Variants in NCOR1 observed in about 807,000 individuals in gnomAD.
The protein encoded by NCOR1 is protein phosphatase 1, regulatory subunit 109.
Under a neutral mutation model 288.1 loss-of-function variants are expected in NCOR1, and 63 were observed. That is an observed-to-expected ratio of 0.22 (90% CI 0.18 to 0.27). The LOEUF (loss-of-function observed/expected upper bound fraction) is 0.27, where lower values mean the gene tolerates loss of function less well. Among genes scored for constraint, NCOR1 ranks in the 10% least tolerant of loss-of-function variants. The pLI is 1.00. For synonymous variants in NCOR1, 1,007 were observed against 1,065.9 expected, an observed-to-expected ratio of 0.94 and a Z score of 1.08; for missense variants, 2,397 against 3,019.2, an observed-to-expected ratio of 0.79 and a Z score of 4.83.
intron 44 of NCOR1, among the ~76,000 whole-genome samples, chr17:16,038,747 A>ATTATTTTATT (rs111445241): frequency 4.0e-5 from 6 of 150,682 alleles, no homozygotes; most frequent in African/African-American, 1.5e-4. Flanking sequence ...ATGGCTTACG[A>ATTATTTTATT]TTATTTTATT....
chr17:16,069,575 T>G (rs1020401770), intron 31 of NCOR1, among the ~76,000 whole-genome samples: 5 of 152,206 alleles, frequency 3.3e-5, no homozygotes, highest in African/African-American at 1.2e-4. Context: ...GTGACAACAA[T>G]AATAACAACA....
chr17:16,174,974 A>G (rs2083826999), intron 3 of NCOR1, among the ~76,000 whole-genome samples: 1 of 152,158 alleles, frequency 6.6e-6, no homozygotes, highest in African/African-American at 2.4e-5. Flanking sequence ...CATAATTGTC[A>G]AAAAGTAAAA....
intron 26 of NCOR1, among the ~76,000 whole-genome samples, chr17:16,075,980 G>A (rs1015194540): frequency 6.6e-6 from 1 of 152,166 alleles, no homozygotes; most frequent in Non-Finnish European, 1.5e-5. Flanking sequence ...TCTATTACAG[G>A]ATTTAACTCT....
intron 3 of NCOR1, among the ~76,000 whole-genome samples, chr17:16,178,506 A>AAAAC (rs2084714108): frequency 6.7e-6 from 1 of 150,014 alleles, no homozygotes; most frequent in African/African-American, 2.4e-5. Context: ...CTCAAAAAAA[A>AAAAC]AAAAAAAAAA....
chr17:16,071,400 C>T lies in NCOR1; in HGVS notation c.4152+9G>A, dbSNP rs1379665086. ...CAGTTACTGACAAAAAGAGCCAAAA[C>T]TTAGTTACCTGGGAAATGGAACCCT... On this transcript the variant is annotated intron_variant, in intron 30 of 45. Transcript: ENST00000268712. 1.2e-6 allele frequency: 2 copies of T among 1,604,266 alleles called. No homozygotes were observed. Among genetic ancestry groups the T allele is most frequent in the East Asian group, 2.2e-5 (1 of 44,736 alleles).
At position 16,108,859 on chromosome 17, in the gene NCOR1, A is replaced by C. The variant is rs1242970612; in HGVS notation, c.2109T>G (p.Ala703=). The C allele has an allele frequency of 1.9e-6, 3 of 1,607,702 alleles. No homozygotes were observed. In the South Asian group the frequency reaches 3.3e-5, roughly 18 times the overall value. Residue 703 remains alanine, a synonymous_variant, in exon 19 of 46, where the codon GCT becomes GCG. Transcript: ENST00000268712. ...ERDVSQCESV[A]STVSAQEDED... is the part of the protein sequence containing the mutation. The stretch of plus-strand genomic sequence containing the variant: ...CATCCTCCTGAGCAGAAACAGTGGA[A>C]GCGACACTTTCACATTGAGACACAT...
chr17:16,032,089 G>C lies in NCOR1; in HGVS notation c.*207C>G. On this transcript the variant is annotated 3_prime_UTR_variant, in exon 46 of 46. Transcript: ENST00000268712. Reference sequence around the variant, plus strand: ...ATTATTATAGTCCACTGAATTGCCTGTATCAAAGGCAGTTTTTTGTTTGTT... The same window carrying C: ...ATTATTATAGTCCACTGAATTGCCTCTATCAAAGGCAGTTTTTTGTTTGTT... 1.9e-6 allele frequency: 1 copy of C among 530,736 alleles called. No individual in the cohort carries two copies. Among genetic ancestry groups the C allele is most frequent in the Non-Finnish European group, 3.2e-6 (1 of 309,074 alleles). 32.9% of individuals were successfully genotyped at this position (530,736 alleles called of 1,614,324 possible). A position where few individuals can be genotyped will look rare whatever the true frequency, so the allele number is the denominator to read the frequency against.
chr17:16,108,603 G>A (rs2069304380), intron 19 of NCOR1, among the ~76,000 whole-genome samples, 183 bp downstream of exon 19: 1 of 152,086 alleles, frequency 6.6e-6, no homozygotes, highest in African/African-American at 2.4e-5. Flanking sequence ...GACCATCCTA[G>A]GTGCTACATA....
chr17:16,143,807 A>G, intron 10 of NCOR1, 111 bp from the exon 11 acceptor site: 1 of 730,096 alleles, frequency 1.4e-6, no homozygotes, highest in Non-Finnish European at 2.3e-6. Context: ...CCAAGTTAAG[A>G]GAAGAAACAT....
Position 16,065,508 on chromosome 17 carries a change from C to T in NCOR1, c.4928G>A (p.Gly1643Asp), listed in dbSNP as rs2061023143. Residue 1643 changes from glycine to aspartate, a missense_variant, in exon 33 of 46, where the codon GGT becomes GAT. Coordinates refer to ENST00000268712, the MANE Select transcript of NCOR1 (RefSeq NM_006311.4). ...RGLSPREQPLGLPYPATRGII... is the reference protein window; with the variant it reads ...RGLSPREQPLDLPYPATRGII... Reference sequence around the variant, plus strand: ...ACCTCTCGTTGCTGGGTATGGGAGACCCAGTGGCTGCTCTCTTGGGGAGAG... The same window carrying T: ...ACCTCTCGTTGCTGGGTATGGGAGATCCAGTGGCTGCTCTCTTGGGGAGAG... The T allele has an allele frequency of 6.2e-7, 1 of 1,614,094 alleles. No homozygotes were observed. The highest frequency in any genetic ancestry group is 1.3e-5 in the African/African-American group (1 of 74,922).
chr17:16,149,001 G>T (rs1436246608), intron 9 of NCOR1, among the ~76,000 whole-genome samples: 1 of 151,364 alleles, frequency 6.6e-6, no homozygotes, highest in Non-Finnish European at 1.5e-5. Flanking sequence ...AAAACTTTTG[G>T]ACTGCAAGTC....
chr17:16,167,697 T>C (rs1425094332), intron 4 of NCOR1, among the ~76,000 whole-genome samples: 1 of 151,310 alleles, frequency 6.6e-6, no homozygotes, highest in Non-Finnish European at 1.5e-5. Context: ...CCATCTCTAC[T>C]AAAACTACAA....
At chr17:16,033,807 CTTTT>C (rs538783920) in intron 45 of NCOR1, among the ~76,000 whole-genome samples, 253 of 152,034 alleles carry the variant, frequency 1.7e-3, no homozygotes, top group Non-Finnish European at 2.8e-3. Context: ...CAGATGATGG[CTTTT>C]TTTGTTTTTG....
chr17:16,062,337 G>C (rs1287570321), intron 35 of NCOR1, 67 bp from the exon 36 acceptor site: 1 of 1,442,672 alleles, frequency 6.9e-7, no homozygotes, highest in Admixed American at 2.7e-5. Flanking sequence ...AGGAAGCAAT[G>C]CTTATGGATT....
chr17:16,175,880 C>T (rs886211726), intron 3 of NCOR1, among the ~76,000 whole-genome samples: 1 of 150,922 alleles, frequency 6.6e-6, no homozygotes, highest in Non-Finnish European at 1.5e-5. Flanking sequence ...TACCAATCCT[C>T]TTACCATGGC....
chr17:16,064,613 A>C (rs2060916360), intron 34 of NCOR1, among the ~76,000 whole-genome samples: 1 of 149,086 alleles, frequency 6.7e-6, no homozygotes, highest in South Asian at 2.1e-4. Context: ...CAAAACAAAA[A>C]CAAAAAAAAA....
rs1438975274 is a variant in NCOR1 at position 16,034,905 on chromosome 17, C to T, written c.6995G>A (p.Ser2332Asn). The change falls in exon 45 of 46, where the codon AGC becomes AAC. Residue 2332 changes from serine (S) to asparagine (N), a missense_variant. Coordinates refer to ENST00000268712, the MANE Select transcript of NCOR1 (RefSeq NM_006311.4). ...CKPKLISKSN[S>N]RKSKSPIPGQ... is the part of the protein sequence containing the mutation. ...AGGTATAGGAGACTTAGATTTCCTG[C>T]TGTTTGACTTGCTGATCAGCTTTGG... The T allele has an allele frequency of 1.9e-6, 3 of 1,614,108 alleles. No homozygotes were observed. The East Asian group carries it at 6.7e-5, about 36-fold the overall frequency.
At chr17:16,211,164 C>T (rs750153985) in intron 1 of NCOR1, among the ~76,000 whole-genome samples, 8 of 152,216 alleles carry the variant, frequency 5.3e-5, no homozygotes, top group Non-Finnish European at 1.2e-4. Context: ...AGGTAAATCA[C>T]TTCACTTCTC....
intron 28 of NCOR1, among the ~76,000 whole-genome samples, chr17:16,072,659 T>G (rs2061897231): frequency 6.6e-6 from 1 of 152,170 alleles, no homozygotes; most frequent in South Asian, 2.1e-4. Context: ...GTAAATAACC[T>G]CCTAAGAAGC....
Sources: gnomAD v4.1 joint callset for allele counts (sites outside exome capture counted in the v4.1 genomes callset) on GRCh38, gnomAD v4.1.1 for gene constraint, MANE v1.5 for transcripts, NCBI Gene and HGNC (gene_info 2026-07-23, HGNC 2026-07-21) for gene names.